The following LYPD6B variants were observed in gnomAD, a reference collection of about 807,000 sequenced individuals.
LYPD6B encodes the protein LY6/PLAUR domain containing 6B.
LYPD6B carries 17 observed loss-of-function variants against 22.8 expected under a neutral mutation model. The ratio of observed to expected loss-of-function variants is 0.75; its 90% confidence interval spans 0.51 to 1.12. The LOEUF is 1.12. Among genes scored for constraint, LYPD6B ranks in the 50% most tolerant of loss-of-function variants. The probability of loss-of-function intolerance (pLI) is 0.00; values close to 1 mark genes in which losing one functional copy is unlikely to be tolerated. For missense variants in LYPD6B, 221 were observed against 258.3 expected, an observed-to-expected ratio of 0.86 and a Z score of 0.99; for synonymous variants, 106 against 91.6, an observed-to-expected ratio of 1.16 and a Z score of -0.90.
At chr2:149,160,563 G>T in intron 2 of LYPD6B, 1 of 667,310 alleles carries the variant, frequency 1.5e-6, no homozygotes. Flanking sequence ...CACACTCTCT[G>T]TAATGTTAAT....
chr2:149,123,917 G>A (rs926387989), intron 1 of LYPD6B, among the ~76,000 whole-genome samples: 4 of 152,152 alleles, frequency 2.6e-5, no homozygotes, highest in Admixed American at 6.5e-5. Context: ...GTTCTTCACC[G>A]CAAGAATTCG....
chr2:149,169,904 G>C (rs1465485161), intron 3 of LYPD6B, among the ~76,000 whole-genome samples: 1 of 152,106 alleles, frequency 6.6e-6, no homozygotes, highest in East Asian at 1.9e-4. Flanking sequence ...CACTCCCCCT[G>C]AGTCATCCAG....
chr2:149,194,021 A>T (rs1344946715), intron 3 of LYPD6B, among the ~76,000 whole-genome samples: 1 of 152,168 alleles, frequency 6.6e-6, no homozygotes, highest in Non-Finnish European at 1.5e-5. Context: ...TGCTTATTTA[A>T]TGATGTGCTT....
At chr2:149,198,514 G>A (rs767503921) in intron 3 of LYPD6B, among the ~76,000 whole-genome samples, 11 of 152,238 alleles carry the variant, frequency 7.2e-5, no homozygotes, top group Non-Finnish European at 1.6e-4. Context: ...TTAAAAAGAT[G>A]TCTTTAAAAT....
At chr2:149,200,886 C>G (rs1361923747) in intron 3 of LYPD6B, among the ~76,000 whole-genome samples, 2 of 152,094 alleles carry the variant, frequency 1.3e-5, no homozygotes, top group African/African-American at 4.8e-5. Flanking sequence ...CATTCTGGAG[C>G]AAGTATTAAT....
chr2:149,059,018 C>G (rs989312627), intron 1 of LYPD6B, among the ~76,000 whole-genome samples: 2 of 152,214 alleles, frequency 1.3e-5, no homozygotes, highest in African/African-American at 4.8e-5. Flanking sequence ...TGAGGGCAGC[C>G]ACGGTCTCCA....
intron 1 of LYPD6B, among the ~76,000 whole-genome samples, chr2:149,054,932 C>CT (rs1683722064): frequency 1.3e-5 from 2 of 149,424 alleles, no homozygotes; most frequent in Non-Finnish European, 1.5e-5. Flanking sequence ...TATTTTTTTT[C>CT]TTTTTTTCGC....
intron 2 of LYPD6B, among the ~76,000 whole-genome samples, chr2:149,147,407 T>G (rs433461): frequency 0.64 from 96,742 of 152,150 alleles, 30,881 homozygotes; most frequent in South Asian, 0.75. Context: ...GAATTTAAAT[T>G]AATTCTTATC....
intron 3 of LYPD6B, among the ~76,000 whole-genome samples, chr2:149,186,331 C>T (rs538081250): frequency 6.6e-6 from 1 of 152,338 alleles, no homozygotes; most frequent in South Asian, 2.1e-4. Flanking sequence ...GAAGACCAAA[C>T]TAACCACAGC....
intron 3 of LYPD6B, chr2:149,161,621 T>G (rs1690068568): frequency 6.6e-6 from 1 of 152,192 alleles, no homozygotes; most frequent in African/African-American, 2.4e-5. Context: ...GGTCTTCTTC[T>G]TGGCTATCAA....
intron 1 of LYPD6B, among the ~76,000 whole-genome samples, chr2:149,096,971 C>T (rs1486617136): frequency 6.6e-6 from 1 of 152,348 alleles, no homozygotes; most frequent in South Asian, 2.1e-4. Flanking sequence ...AAATGTGGAG[C>T]TAAATCTCCA....
At chr2:149,094,976 A>G (rs1208921957) in intron 1 of LYPD6B, among the ~76,000 whole-genome samples, 1 of 152,210 alleles carries the variant, frequency 6.6e-6, no homozygotes, top group Non-Finnish European at 1.5e-5. Flanking sequence ...AGCTTATGGC[A>G]TGGAAACCAT....
intron 5 of LYPD6B, among the ~76,000 whole-genome samples, chr2:149,212,403 AAG>A (rs1491455088): frequency 4.7e-5 from 7 of 149,470 alleles, no homozygotes; most frequent in Non-Finnish European, 3.0e-5. Context: ...AAAAAAAAAA[AAG>A]AAATTATTAG....
chr2:149,104,941 A>C (rs960526674), intron 1 of LYPD6B, among the ~76,000 whole-genome samples: 2 of 152,178 alleles, frequency 1.3e-5, no homozygotes, highest in African/African-American at 4.8e-5. Context: ...ATAATTATGC[A>C]TATTTATGGG....
chr2:149,105,193 T>C (rs1273702994), intron 1 of LYPD6B, among the ~76,000 whole-genome samples: 1 of 152,212 alleles, frequency 6.6e-6, no homozygotes, highest in Non-Finnish European at 1.5e-5. Flanking sequence ...TTCTTGACCC[T>C]ATTCTGTTCC....
intron 1 of LYPD6B, among the ~76,000 whole-genome samples, chr2:149,120,003 C>G (rs1479279549): frequency 2.0e-5 from 3 of 151,968 alleles, no homozygotes; most frequent in African/African-American, 7.3e-5. Context: ...AGTAGCCATC[C>G]TACTGCAGAG....
intron 3 of LYPD6B, among the ~76,000 whole-genome samples, chr2:149,196,488 A>G (rs1281069542): frequency 6.6e-6 from 1 of 152,248 alleles, no homozygotes; most frequent in Non-Finnish European, 1.5e-5. Flanking sequence ...CTTTATAAAC[A>G]ATGGTCAGCG....
chr2:149,096,180 A>C (rs185826394), intron 1 of LYPD6B, among the ~76,000 whole-genome samples: 2 of 152,188 alleles, frequency 1.3e-5, no homozygotes, highest in Non-Finnish European at 2.9e-5. Context: ...AAAGAGATAC[A>C]GAAAGAGACA....
At chr2:149,092,466 G>A (rs1232020146) in intron 1 of LYPD6B, among the ~76,000 whole-genome samples, 1 of 152,144 alleles carries the variant, frequency 6.6e-6, no homozygotes, top group African/African-American at 2.4e-5. Flanking sequence ...AGCCCAAGGA[G>A]TAACATATTC....
Sources: allele counts gnomAD v4.1 joint callset (sites outside exome capture counted in the v4.1 genomes callset), GRCh38; gene constraint gnomAD v4.1.1; transcripts MANE v1.5; gene names NCBI Gene and HGNC (gene_info 2026-07-23, HGNC 2026-07-21).